Variants in AGBL4 observed in about 807,000 individuals in gnomAD.
The protein encoded by AGBL4 is AGBL carboxypeptidase 4.
AGBL4 carries 58 observed loss-of-function variants against 66.4 expected under a neutral mutation model. That is an observed-to-expected ratio of 0.87 (90% confidence interval 0.71 to 1.09). The LOEUF (loss-of-function observed/expected upper bound fraction) is 1.09, where lower values mean the gene tolerates loss of function less well. Ranked by LOEUF, AGBL4 falls within the 50% of genes least tolerant of loss-of-function variation. The pLI, the probability that AGBL4 is intolerant of heterozygous loss-of-function variation, is 0.00. For synonymous variants in AGBL4, 234 were observed against 222.9 expected, an observed-to-expected ratio of 1.05 and a Z score of -0.44; for missense variants, 579 against 631.0, an observed-to-expected ratio of 0.92 and a Z score of 0.88.
At chr1:48,934,626 A>G (rs1387130768) in intron 5 of AGBL4, among the ~76,000 whole-genome samples, 1 of 152,056 alleles carries the variant, frequency 6.6e-6, no homozygotes, top group Non-Finnish European at 1.5e-5. Context: ...TCCTTATCCC[A>G]GGAAAGGGCA....
Position 48,714,956 on chromosome 1 carries a change from T to C in AGBL4, c.635-51715A>G, listed in dbSNP as rs371555334. Reference sequence around the variant, plus strand: ...GCTCTTAGGAAACTTACAGTTTAGCTGAAGATGGAATGAGACAGTATTCAG... The same window carrying C: ...GCTCTTAGGAAACTTACAGTTTAGCCGAAGATGGAATGAGACAGTATTCAG... On this transcript the variant is annotated intron_variant, in intron 6 of 13. Coordinates refer to ENST00000371839, the MANE Select transcript of AGBL4 (RefSeq NM_032785.4). Among the ~76,000 whole-genome samples the C allele has an allele frequency of 1.5e-4, 23 of 152,258 alleles. 1 individual carries two copies. The East Asian group carries it at 1.7e-3, about 11-fold the overall frequency.
At chr1:49,938,854 C>A (rs951732176) in intron 1 of AGBL4, among the ~76,000 whole-genome samples, 7 of 151,884 alleles carry the variant, frequency 4.6e-5, no homozygotes, top group Non-Finnish European at 1.0e-4. Context: ...CTGGCCAGGG[C>A]AATTAGGCAG....
At chr1:48,591,846 G>C (rs1167086848) in intron 9 of AGBL4, among the ~76,000 whole-genome samples, 1 of 152,142 alleles carries the variant, frequency 6.6e-6, no homozygotes, top group Non-Finnish European at 1.5e-5. Context: ...TGGTTCTTAT[G>C]GTATTATTTG....
intron 11 of AGBL4, among the ~76,000 whole-genome samples, chr1:48,564,123 C>A (rs1204169457): frequency 6.6e-6 from 1 of 152,106 alleles, no homozygotes; most frequent in Non-Finnish European, 1.5e-5. Context: ...CTCTCCTTCT[C>A]TCCATTGCAC....
At chr1:48,662,837 G>A (rs1646129396) in intron 7 of AGBL4, among the ~76,000 whole-genome samples, 1 of 152,188 alleles carries the variant, frequency 6.6e-6, no homozygotes, top group Non-Finnish European at 1.5e-5. Flanking sequence ...CTGGAGGCAA[G>A]TAAAGCTAGG....
intron 3 of AGBL4, among the ~76,000 whole-genome samples, chr1:49,588,042 G>A (rs1246288382): frequency 6.6e-6 from 1 of 151,972 alleles, no homozygotes; most frequent in Non-Finnish European, 1.5e-5. Flanking sequence ...TATGCATCTT[G>A]GTTCACCAGG....
At chr1:49,735,043 C>G (rs1477988277) in intron 2 of AGBL4, among the ~76,000 whole-genome samples, 1 of 151,956 alleles carries the variant, frequency 6.6e-6, no homozygotes, top group Admixed American at 6.6e-5. Context: ...AGAAATGGTG[C>G]CAGACAACTG....
intron 5 of AGBL4, among the ~76,000 whole-genome samples, chr1:48,996,797 A>C (rs1661029461): frequency 8.2e-6 from 1 of 122,312 alleles, no homozygotes. Flanking sequence ...ATGTGGGGCC[A>C]AGGAATTTCC....
intron 4 of AGBL4, among the ~76,000 whole-genome samples, chr1:49,080,511 A>AT (rs1644790519): frequency 6.6e-6 from 1 of 152,076 alleles, no homozygotes; most frequent in Non-Finnish European, 1.5e-5. Flanking sequence ...CCTCCCTTTG[A>AT]TTTTTTGGAG....
chr1:49,806,045 CT>C (rs1644969602), intron 2 of AGBL4, among the ~76,000 whole-genome samples: 1 of 152,090 alleles, frequency 6.6e-6, no homozygotes, highest in Non-Finnish European at 1.5e-5. Flanking sequence ...GGCTTTAAAA[CT>C]GTAATGGGTA....
At chr1:49,904,908 C>T (rs1032463068) in intron 1 of AGBL4, among the ~76,000 whole-genome samples, 4 of 152,148 alleles carry the variant, frequency 2.6e-5, no homozygotes, top group Admixed American at 2.6e-4. Flanking sequence ...TGGGGTTGGC[C>T]TTTGGACAAT....
At chr1:49,738,664 C>A in intron 2 of AGBL4, among the ~76,000 whole-genome samples, 1 of 151,690 alleles carries the variant, frequency 6.6e-6, no homozygotes, top group Non-Finnish European at 1.5e-5. Flanking sequence ...CCAGTAGGGG[C>A]AGACTGACAC....
intron 6 of AGBL4, among the ~76,000 whole-genome samples, chr1:48,734,901 T>A (rs1648774569): frequency 6.6e-6 from 1 of 152,188 alleles, no homozygotes. Flanking sequence ...ACTTTCTTTA[T>A]GAAGACATGG....
At chr1:49,059,206 C>T (rs1163091660) in intron 4 of AGBL4, among the ~76,000 whole-genome samples, 1 of 152,232 alleles carries the variant, frequency 6.6e-6, no homozygotes, top group Non-Finnish European at 1.5e-5. Flanking sequence ...CCAGGGACCC[C>T]TGCTCTGTGC....
At chr1:48,933,012 C>T (rs895798404) in intron 5 of AGBL4, among the ~76,000 whole-genome samples, 13 of 151,842 alleles carry the variant, frequency 8.6e-5, no homozygotes, top group Admixed American at 5.2e-4. Flanking sequence ...TTCCTTTTAC[C>T]TCTTTGTTTA....
At chr1:49,970,205 A>C (rs1657936773) in intron 1 of AGBL4, among the ~76,000 whole-genome samples, 1 of 152,162 alleles carries the variant, frequency 6.6e-6, no homozygotes, top group African/African-American at 2.4e-5. Context: ...GATTTCTTGG[A>C]TCTGACACCA....
chr1:49,221,914 C>A (rs1477494601), intron 4 of AGBL4, among the ~76,000 whole-genome samples: 3 of 152,102 alleles, frequency 2.0e-5, no homozygotes, highest in Non-Finnish European at 4.4e-5. Flanking sequence ...AGAATCAGGG[C>A]TGAAATATCT....
chr1:48,562,137 C>T (rs1644405818), intron 11 of AGBL4, among the ~76,000 whole-genome samples: 1 of 152,164 alleles, frequency 6.6e-6, no homozygotes, highest in African/African-American at 2.4e-5. Context: ...GAATGTTCCT[C>T]TCAATCGTGA....
At chr1:48,910,140 T>C (rs909427539) in intron 5 of AGBL4, among the ~76,000 whole-genome samples, 4 of 152,208 alleles carry the variant, frequency 2.6e-5, no homozygotes, top group African/African-American at 9.6e-5. Context: ...AACAGGGACC[T>C]TGTGACACAT....
Sources: gnomAD v4.1 joint callset for allele counts (sites outside exome capture counted in the v4.1 genomes callset) on GRCh38, gnomAD v4.1.1 for gene constraint, MANE v1.5 for transcripts, NCBI Gene and HGNC (gene_info 2026-07-23, HGNC 2026-07-21) for gene names.